The following ZNF236 variants were observed in gnomAD, a reference collection of about 807,000 sequenced individuals.
ZNF236 encodes zinc finger protein 236.
A neutral mutation model predicts 191.2 loss-of-function variants in ZNF236; 50 were observed. The ratio of observed to expected loss-of-function variants is 0.26; its 90% confidence interval spans 0.21 to 0.33. The LOEUF (loss-of-function observed/expected upper bound fraction) is 0.33. Among genes scored for constraint, ZNF236 ranks in the 10% least tolerant of loss-of-function variants. The probability of loss-of-function intolerance (pLI) is 1.00; values close to 1 mark genes in which losing one functional copy is unlikely to be tolerated. For missense variants in ZNF236, 1,754 were observed against 2,374.5 expected (o/e 0.74, Z 5.43); for synonymous variants, 907 against 928.8 (o/e 0.98, Z 0.43).
chr18:76,921,366 G>A (rs1967528701), intron 20 of ZNF236, among the ~76,000 whole-genome samples: 1 of 152,216 alleles, frequency 6.6e-6, no homozygotes, highest in African/African-American at 2.4e-5. Context: ...AGTTGATGGT[G>A]TGATCTGAGG....
intron 4 of ZNF236, among the ~76,000 whole-genome samples, chr18:76,870,513 C>T (rs757351543): frequency 7.2e-5 from 11 of 152,168 alleles, no homozygotes; most frequent in South Asian, 4.1e-4. Context: ...GACGAAGCCT[C>T]GCCCTCACAG....
chr18:76,886,121 C>T (rs965495499), intron 9 of ZNF236: 11 of 152,102 alleles, frequency 7.2e-5, no homozygotes, highest in African/African-American at 2.7e-4. Flanking sequence ...AATTGGTATT[C>T]CGGCTGTCTT....
rs371645927 is a variant in ZNF236, at chr18:76,841,694, C to CTTTT, written c.56-7821_56-7818dup. Among the ~76,000 whole-genome samples the CTTTT allele has an allele frequency of 1.4e-3, 183 of 128,834 alleles. 2 individuals carry two copies. The highest frequency in any genetic ancestry group is 3.3e-3 in the African/African-American group (114 of 34,624). The allele number at this position is 128,834 out of a possible 152,430, so 84.5% of individuals were successfully genotyped here. ...AAGTAGCAACTGGGTTTTTTTTTTT[C>CTTTT]TTTTTTTTTTTTTTCTGAGATGGAG... On this transcript the variant is annotated intron_variant, in intron 1 of 30. Coordinates refer to ENST00000320610, the MANE Select transcript of ZNF236 (RefSeq NM_001306089.2).
chr18:76,901,816 A>G (rs1434218891), intron 11 of ZNF236, among the ~76,000 whole-genome samples: 3 of 152,256 alleles, frequency 2.0e-5, no homozygotes, highest in East Asian at 3.9e-4. Context: ...CCTAGGAACT[A>G]TAATTGTTAT....
At position 76,951,312 on chromosome 18, in the gene ZNF236, C is replaced by T. The variant is rs573107329; in HGVS notation, c.4914+3660C>T. On this transcript the variant is annotated intron_variant, in intron 27 of 30. Coordinates refer to ENST00000320610, the MANE Select transcript of ZNF236 (RefSeq NM_001306089.2). ...TTCCACTATAAAGCTGTTCTGTTTA[C>T]ACTGAAAATCTGTTGTTTAATGGAG... is the stretch of plus-strand genomic sequence containing the variant. 5.3e-5 allele frequency among the ~76,000 whole-genome samples: 8 copies of T among 152,352 alleles called. No homozygotes were observed. The South Asian group carries it at 1.2e-3, about 24-fold the overall frequency.
chr18:76,901,778 A>T (rs1220018435), intron 11 of ZNF236, among the ~76,000 whole-genome samples: 1 of 152,130 alleles, frequency 6.6e-6, no homozygotes, highest in Non-Finnish European at 1.5e-5. Flanking sequence ...AAAGTCTGAT[A>T]ATTTAATATA....
rs548890299 is a variant in ZNF236 at position 76,860,946 on chromosome 18, G to A, written c.364-7739G>A. Among the ~76,000 whole-genome samples the A allele has an allele frequency of 2.6e-5, 4 of 152,276 alleles. No homozygotes were observed. The South Asian group carries it at 8.3e-4, about 32-fold the overall frequency. ...GGAAGAGGCTTTGCTGAAGTCTGGC[G>A]TGAAGCTGGTGAGGGAGCTGTGAGG... On this transcript the variant is annotated intron_variant, in intron 3 of 30. Transcript: ENST00000320610.
rs755240051 is a variant in ZNF236, at chr18:76,960,856, G to A, written c.5419+1G>A. The stretch of plus-strand genomic sequence containing the variant: ...ATGAAGCGGGCGCACAGCTATGCTG[G>A]TGAGAATGCTGCACCCGGGAGTGCG... On this transcript the variant is annotated splice_donor_variant, in intron 30 of 30. Transcript: ENST00000320610. LOFTEE classifies it high-confidence loss of function. The surrounding 1 kb of genome is among the most constrained non-coding windows in gnomAD (Gnocchi z 4.4). 7 of 1,609,074 alleles carry A rather than the reference G, an allele frequency of 4.4e-6. No homozygotes were observed. Among genetic ancestry groups the A allele is most frequent in the African/African-American group, 1.3e-5 (1 of 74,838 alleles).
At chr18:76,966,919 C>T (rs530507071) in intron 30 of ZNF236, among the ~76,000 whole-genome samples, 2 of 152,288 alleles carry the variant, frequency 1.3e-5, no homozygotes, top group South Asian at 2.1e-4. Flanking sequence ...TGAGTAGACC[C>T]CTTGGTGTGC....
At chr18:76,912,943 G>A (rs544146449) in intron 17 of ZNF236, among the ~76,000 whole-genome samples, 10 of 152,156 alleles carry the variant, frequency 6.6e-5, no homozygotes, top group Non-Finnish European at 1.3e-4. Context: ...GTGAGCCACC[G>A]CCAAACCAGA....
At chr18:76,897,194 C>T (rs1196313493) in intron 10 of ZNF236, among the ~76,000 whole-genome samples, 1 of 151,334 alleles carries the variant, frequency 6.6e-6, no homozygotes, top group Non-Finnish European at 1.5e-5. Context: ...CCCACTGGTA[C>T]CGCATAAAGT....
At chr18:76,955,402 G>A (rs1001901190) in intron 27 of ZNF236, among the ~76,000 whole-genome samples, 1 of 152,094 alleles carries the variant, frequency 6.6e-6, no homozygotes, top group Non-Finnish European at 1.5e-5. Context: ...GGGCAAGAGA[G>A]CAAGACTTCA....
At chr18:76,890,227 A>T (rs756216682) in intron 9 of ZNF236, among the ~76,000 whole-genome samples, 3 of 152,110 alleles carry the variant, frequency 2.0e-5, no homozygotes, top group Non-Finnish European at 4.4e-5. Flanking sequence ...CTGTTTAGCT[A>T]TTTTTTTCCT....
chr18:76,959,933 C>G, intron 29 of ZNF236, 117 bp downstream of exon 29: 1 of 1,233,054 alleles, frequency 8.1e-7, no homozygotes. Flanking sequence ...ATTTATAAAG[C>G]AAGGTCCACA....
intron 21 of ZNF236, among the ~76,000 whole-genome samples, chr18:76,923,638 C>T (rs1317430764): frequency 6.6e-6 from 1 of 152,088 alleles, no homozygotes; most frequent in Non-Finnish European, 1.5e-5. Flanking sequence ...TTGTCTGTGC[C>T]TTTGCTTCTG....
intron 1 of ZNF236, among the ~76,000 whole-genome samples, chr18:76,830,415 A>G (rs868490672): frequency 1.3e-5 from 2 of 152,048 alleles, no homozygotes; most frequent in African/African-American, 2.4e-5. Context: ...ACTTTTATGT[A>G]TTTATGGGCC....
rs1388526377 is a variant in ZNF236 at position 76,880,720 on chromosome 18, C to T, written c.1188+404C>T. Among the ~76,000 whole-genome samples the T allele has an allele frequency of 1.3e-5, 2 of 152,090 alleles. No individual in the cohort carries two copies. The highest frequency in any genetic ancestry group is 1.3e-4 in the Admixed American group (2 of 15,276). On this transcript the variant is annotated intron_variant, in intron 8 of 30. Coordinates refer to ENST00000320610, the MANE Select transcript of ZNF236 (RefSeq NM_001306089.2). This position sits in a 1 kb window ranked among gnomAD's most constrained non-coding sequence, Gnocchi z 5.0. ...GCGTTCATACTGCCTGGCCTTCTCTCGTGGGTGTGTGGGCAGCACCTGCAC... is the reference window on the plus strand; with the variant it reads ...GCGTTCATACTGCCTGGCCTTCTCTTGTGGGTGTGTGGGCAGCACCTGCAC...
chr18:76,886,286 A>G (rs1043251317), intron 9 of ZNF236: 1 of 152,320 alleles, frequency 6.6e-6, no homozygotes, highest in Non-Finnish European at 1.5e-5. Flanking sequence ...ACTGCCAAGC[A>G]GTTCCGCTGC....
intron 6 of ZNF236, among the ~76,000 whole-genome samples, chr18:76,876,339 T>A (rs1976714461): frequency 6.6e-6 from 1 of 152,262 alleles, no homozygotes; most frequent in African/African-American, 2.4e-5. Context: ...CATGGATCAG[T>A]ATATCCTATG....
Sources: allele counts gnomAD v4.1 joint callset (sites outside exome capture counted in the v4.1 genomes callset), GRCh38; gene constraint gnomAD v4.1.1; non-coding constraint Gnocchi (gnomAD v3.1); transcripts MANE v1.5; gene names NCBI Gene and HGNC (gene_info 2026-07-23, HGNC 2026-07-21).